PTPRK: variants seen among roughly 807,000 people sequenced by gnomAD.
PTPRK encodes the protein protein tyrosine phosphatase receptor type K, also known as receptor-type tyrosine-protein phosphatase kappa.
PTPRK carries 75 observed loss-of-function variants against 178.0 expected under a neutral mutation model. The observed-to-expected ratio is 0.42, with a 90% CI of 0.35 to 0.51. PTPRK has a LOEUF of 0.51. Among genes scored for constraint, PTPRK ranks in the 20% least tolerant of loss-of-function variants. PTPRK has a pLI of 0.02. For synonymous variants in PTPRK, 637 were observed against 620.6 expected (o/e 1.03, Z -0.39); for missense variants, 1,441 against 1,797.8 (o/e 0.80, Z 3.59).
chr6:128,183,364 C>T (rs2114693155), intron 7 of PTPRK, among the ~76,000 whole-genome samples: 2 of 152,284 alleles, frequency 1.3e-5, no homozygotes, highest in East Asian at 3.9e-4. Context: ...ATTTACCCAA[C>T]ATCTTCTAGC....
intron 1 of PTPRK, among the ~76,000 whole-genome samples, chr6:128,411,782 T>G (rs905961572): frequency 6.6e-6 from 1 of 152,202 alleles, no homozygotes; most frequent in African/African-American, 2.4e-5. Context: ...TTTTTAAATT[T>G]ATTTAAAAGA....
At chr6:128,009,999 A>G (rs1215162588) in intron 13 of PTPRK, among the ~76,000 whole-genome samples, 1 of 151,234 alleles carries the variant, frequency 6.6e-6, no homozygotes, top group East Asian at 1.9e-4. Flanking sequence ...AATTAAAATT[A>G]CCAACTTTAA....
At position 127,985,775 on chromosome 6, in the gene PTPRK, C is replaced by T. The variant is rs201674956; in HGVS notation, c.3197G>A (p.Arg1066Gln). The T allele has an allele frequency of 5.6e-6, 9 of 1,613,752 alleles. No individual in the cohort carries two copies. The highest frequency in any genetic ancestry group is 2.2e-5 in the East Asian group (1 of 44,850). The stretch of plus-strand genomic sequence containing the variant: ...GGGAGGGTTTGATAACTTGACTCGC[C>T]GGATAAAGGAAAGCAGCCCTGTAGC... Reference protein sequence around the residue: ...YHATGLLSFIRRVKLSNPPSA... With the variant: ...YHATGLLSFIQRVKLSNPPSA... The change falls in exon 22 of 30, where the codon CGG (arginine) becomes CAG (glutamine). Residue 1066 changes from arginine (R) to glutamine (Q), a missense_variant. Coordinates refer to ENST00000368226, the MANE Select transcript of PTPRK (RefSeq NM_002844.4).
intron 13 of PTPRK, among the ~76,000 whole-genome samples, chr6:128,055,534 T>C (rs2114892059): frequency 6.6e-6 from 1 of 152,320 alleles, no homozygotes. Flanking sequence ...CTTCATTTTC[T>C]TAATGTCTTT....
chr6:128,146,792 G>A (rs895056028), intron 7 of PTPRK, among the ~76,000 whole-genome samples: 2 of 151,928 alleles, frequency 1.3e-5, no homozygotes, highest in African/African-American at 4.8e-5. Flanking sequence ...TTTATTATTT[G>A]CATTCTAATC....
At chr6:128,100,863 T>C (rs1403825607) in intron 7 of PTPRK, among the ~76,000 whole-genome samples, 1 of 151,894 alleles carries the variant, frequency 6.6e-6, no homozygotes, top group Non-Finnish European at 1.5e-5. Context: ...GAAAATAAAA[T>C]CTCCTTAAAT....
chr6:128,499,054 T>G (rs1855152464), intron 1 of PTPRK, among the ~76,000 whole-genome samples: 1 of 152,240 alleles, frequency 6.6e-6, no homozygotes, highest in Non-Finnish European at 1.5e-5. Flanking sequence ...AAAATGCAGC[T>G]TTATTTGAAG....
At chr6:127,991,443 G>A in intron 19 of PTPRK, 52 bp from the exon 20 acceptor site, 1 of 1,400,050 alleles carries the variant, frequency 7.1e-7, no homozygotes, top group African/African-American at 1.5e-5. Context: ...TTTGTAGTTA[G>A]TAAGAAGTTT....
In PTPRK at chr6:128,089,987, T is replaced by C. The variant is rs775723243; in HGVS notation, c.1168A>G (p.Met390Val). 6 of 1,598,254 alleles carry C rather than the reference T, an allele frequency of 3.8e-6. No homozygotes were observed. The highest frequency in any genetic ancestry group is 1.7e-5 in the Admixed American group (1 of 59,902). Residue 390 changes from methionine to valine, a missense_variant, in exon 8 of 30, where the codon ATG becomes GTG. Met to Val is a conservative substitution (Grantham distance 21). This residue lies in a region of PTPRK where 945 missense variants were observed against 1,080.6 expected (regional missense o/e 0.87). Transcript: ENST00000368226. ...ATCTTTAATGTCTTTGGGGTTCTCA[T>C]AGGTTCTGAAAAATAAATCAGAGTT... is the stretch of plus-strand genomic sequence containing the variant. ...LITRTKCAEPMRTPKTLKIAE... is the reference protein window; with the variant it reads ...LITRTKCAEPVRTPKTLKIAE...
intron 1 of PTPRK, among the ~76,000 whole-genome samples, chr6:128,416,638 A>G (rs185127320): frequency 1.4e-5 from 2 of 147,270 alleles, no homozygotes; most frequent in African/African-American, 2.5e-5. Context: ...AAAGAGCCAG[A>G]CTCCATCTTA....
chr6:128,128,619 A>G (rs1296843035), intron 7 of PTPRK, among the ~76,000 whole-genome samples: 7 of 152,166 alleles, frequency 4.6e-5, no homozygotes, highest in Non-Finnish European at 8.8e-5. Context: ...CCACAAGAAA[A>G]CTCTGGTGAA....
intron 17 of PTPRK, among the ~76,000 whole-genome samples, chr6:127,995,818 A>ACAT (rs1777086840): frequency 6.6e-6 from 1 of 152,112 alleles, no homozygotes; most frequent in African/African-American, 2.4e-5. Context: ...AGAATTGTCT[A>ACAT]CATAACTGAA....
chr6:128,056,028 TG>T (rs1779840506), intron 13 of PTPRK, among the ~76,000 whole-genome samples: 1 of 151,128 alleles, frequency 6.6e-6, no homozygotes. Context: ...ATTAGACTTG[TG>T]TAAGCCCCGG....
chr6:128,470,269 T>TAC (rs892460620), intron 1 of PTPRK, among the ~76,000 whole-genome samples: 2 of 151,618 alleles, frequency 1.3e-5, no homozygotes, highest in Non-Finnish European at 2.9e-5. Flanking sequence ...CATATATATA[T>TAC]ATATATATGA....
intron 3 of PTPRK, among the ~76,000 whole-genome samples, chr6:128,245,268 A>C: frequency 8.0e-6 from 1 of 124,912 alleles, no homozygotes; most frequent in African/African-American, 4.3e-5. Context: ...TCTCAAGAAA[A>C]AGAAGACACA....
At chr6:128,350,831 T>C (rs934195384) in intron 2 of PTPRK, among the ~76,000 whole-genome samples, 2 of 152,196 alleles carry the variant, frequency 1.3e-5, no homozygotes, top group African/African-American at 4.8e-5. Flanking sequence ...GTGCAAACCA[T>C]ATTAACTCCT....
At chr6:128,347,047 A>G (rs2128335027) in intron 2 of PTPRK, among the ~76,000 whole-genome samples, 1 of 152,316 alleles carries the variant, frequency 6.6e-6, no homozygotes, top group East Asian at 1.9e-4. Context: ...AAGAAAAGGA[A>G]AACCATTCTA....
At chr6:128,311,555 G>T (rs905283830) in intron 3 of PTPRK, among the ~76,000 whole-genome samples, 2 of 152,140 alleles carry the variant, frequency 1.3e-5, no homozygotes, top group Admixed American at 6.6e-5. Context: ...TACACAGTAT[G>T]ATCGTTCTCA....
intron 7 of PTPRK, among the ~76,000 whole-genome samples, chr6:128,091,544 T>C (rs1031476026): frequency 6.6e-6 from 1 of 152,166 alleles, no homozygotes; most frequent in Non-Finnish European, 1.5e-5. Flanking sequence ...TACTGTTTGG[T>C]AGCCATGGCA....
Sources: gnomAD v4.1 joint callset for allele counts (sites outside exome capture counted in the v4.1 genomes callset) on GRCh38, gnomAD v4.1.1 for gene constraint, gnomAD v4.1.1 regional missense constraint, MANE v1.5 for transcripts, NCBI Gene and HGNC (gene_info 2026-07-23, HGNC 2026-07-21) for gene names.